Variants in DOT1L observed in about 807,000 individuals in gnomAD.
DOT1L encodes DOT1 like histone lysine methyltransferase, also known as histone-lysine N-methyltransferase, H3 lysine-79 specific.
Under a neutral mutation model 153.3 loss-of-function variants are expected in DOT1L, and 33 were observed. The observed-to-expected ratio is 0.22, with a 90% CI of 0.16 to 0.29. DOT1L has a LOEUF of 0.29. DOT1L is among the 10% of genes least tolerant of loss of function. The pLI, the probability that DOT1L is intolerant of heterozygous loss-of-function variation, is 1.00. For missense variants in DOT1L, 1,847 were observed against 2,119.9 expected, an observed-to-expected ratio of 0.87 and a Z score of 2.53; for synonymous variants, 1,135 against 965.1, an observed-to-expected ratio of 1.18 and a Z score of -3.26.
Position 2,210,898 on chromosome 19 carries a change from G to A in DOT1L, c.1351+43G>A, listed in dbSNP as rs202014691. The stretch of plus-strand genomic sequence containing the variant: ...CACGGCCCCCGCTCTCCCCGAGTGC[G>A]GATGCCTGGGGTCCCCTCTGCTGGG... On this transcript the variant is annotated intron_variant, in intron 14 of 27. Transcript: ENST00000398665. The A allele has an allele frequency of 4.5e-5, 71 of 1,595,376 alleles. No homozygotes were observed. In the African/African-American group the frequency reaches 6.1e-4, roughly 14 times the overall value.
intron 1 of DOT1L, among the ~76,000 whole-genome samples, chr19:2,165,652 G>T (rs1451800950): frequency 6.6e-6 from 1 of 152,254 alleles, no homozygotes. Context: ...TCTCTGTTGG[G>T]CTCTCATCGT....
intron 12 of DOT1L, among the ~76,000 whole-genome samples, chr19:2,209,548 G>T (rs948443099): frequency 6.6e-6 from 1 of 152,144 alleles, no homozygotes; most frequent in African/African-American, 2.4e-5. Flanking sequence ...CCCTGCACGC[G>T]CTGCACCGTC....
chr19:2,220,153 A>G lies in DOT1L; in HGVS notation c.2737A>G (p.Thr913Ala), dbSNP rs367745383. 1.9e-6 allele frequency: 3 copies of G among 1,613,584 alleles called. No homozygotes were observed. In the Admixed American group the frequency reaches 5.0e-5, roughly 27 times the overall value. ...GCTGCAGCCCCGTGACCCCTCGTCC[A>G]CACTTGAAAAGCAGATTGGTGCTAA... ...PVLQPRDPSSTLEKQIGANAH... is the reference protein window; with the variant it reads ...PVLQPRDPSSALEKQIGANAH... Residue 913 changes from threonine to alanine, a missense_variant, in exon 23 of 28, where the codon ACA becomes GCA. Physicochemically the swap from Thr to Ala is moderately conservative, Grantham distance 58 (BLOSUM62 0). Transcript: ENST00000398665. The surrounding 1 kb of genome is among the most constrained non-coding windows in gnomAD (Gnocchi z 4.5).
rs2023405197 is a variant in DOT1L, at chr19:2,204,200, T to C, written c.787+1421T>C. On this transcript the variant is annotated intron_variant, in intron 9 of 27. Transcript: ENST00000398665. The surrounding 1 kb of genome is among the most constrained non-coding windows in gnomAD (Gnocchi z 5.7). ...GTGTCTCTGTGTGCGTGCCTGTGCGTGCCTGTGTCTGCATGTCTGTGCCTG... is the reference window on the plus strand; with the variant it reads ...GTGTCTCTGTGTGCGTGCCTGTGCGCGCCTGTGTCTGCATGTCTGTGCCTG... 6.6e-6 allele frequency among the ~76,000 whole-genome samples: 1 copy of C among 151,908 alleles called. No individual in the cohort carries two copies. The highest frequency in any genetic ancestry group is 2.1e-4 in the South Asian group (1 of 4,808).
At chr19:2,216,928 G>A (rs1246650356) in intron 20 of DOT1L, 27 bp from the exon 21 acceptor site, 39 of 1,595,394 alleles carry the variant, frequency 2.4e-5, no homozygotes, top group African/African-American at 4.0e-5. Context: ...CACGGCCCTC[G>A]AGAGTGACTG....
rs1179033070 is a variant in DOT1L at position 2,217,019 on chromosome 19, C to G, written c.2473C>G (p.Leu825Val). The G allele has an allele frequency of 2.5e-6, 4 of 1,613,120 alleles. No individual in the cohort carries two copies. The highest frequency in any genetic ancestry group is 3.4e-6 in the Non-Finnish European group (4 of 1,179,916). ...QSPSVPGSMK[L>V]SPQDPRPLSP... is the part of the protein sequence containing the mutation. ...CCCCAGCGTGCCTGGCAGCATGAAG[C>G]TGAGCCCTCAGGACCCGCGGCCCCT... Residue 825 changes from leucine (L) to valine (V), a missense_variant, in exon 21 of 28, where the codon CTG becomes GTG. This residue lies in a region of DOT1L where 281 missense variants were observed against 263.6 expected (regional missense o/e 1.07). Coordinates refer to ENST00000398665, the MANE Select transcript of DOT1L (RefSeq NM_032482.3). The surrounding 1 kb of genome is among the most constrained non-coding windows in gnomAD (Gnocchi z 7.3).
intron 8 of DOT1L, among the ~76,000 whole-genome samples, chr19:2,200,712 C>T (rs1049307795): frequency 2.0e-5 from 3 of 151,824 alleles, no homozygotes; most frequent in African/African-American, 7.3e-5. Flanking sequence ...TCCCCACATT[C>T]CTCGTCCTCC....
intron 25 of DOT1L, among the ~76,000 whole-genome samples, chr19:2,224,388 A>C (rs12459507): frequency 0.17 from 25,135 of 151,800 alleles, 3,121 homozygotes; most frequent in African/African-American, 0.34. Flanking sequence ...CACATCCTCA[A>C]CACACTGAAT....
chr19:2,200,678 T>C (rs2023219035), intron 8 of DOT1L, among the ~76,000 whole-genome samples: 1 of 151,992 alleles, frequency 6.6e-6, no homozygotes, highest in Non-Finnish European at 1.5e-5. Flanking sequence ...CCAGCACTCT[T>C]TGTCCTCTCT....
intron 5 of DOT1L, among the ~76,000 whole-genome samples, chr19:2,192,766 C>T (rs768340534): frequency 6.6e-6 from 1 of 151,938 alleles, no homozygotes; most frequent in Non-Finnish European, 1.5e-5. Flanking sequence ...GTGGGAGGAT[C>T]GCTTGAGCCC....
intron 27 of DOT1L, chr19:2,228,823 G>A (rs776452870): frequency 5.1e-4 from 506 of 985,434 alleles, no homozygotes; most frequent in Non-Finnish European, 5.8e-4. Context: ...GCACGGTGCC[G>A]GCTGCAGAGG....
chr19:2,199,947 C>T lies in DOT1L; in HGVS notation c.707+8C>T. 3 of 1,613,716 alleles carry T rather than the reference C, an allele frequency of 1.9e-6. No homozygotes were observed. The highest frequency in any genetic ancestry group is 1.1e-5 in the South Asian group (1 of 91,058). ...GCGAATCGCCAACACGAGGTATGGC[C>T]AGCGTGGGGCATGCAGGGCATGTGG... On this transcript the variant is annotated splice_region_variant and intron_variant, in intron 8 of 27. Transcript: ENST00000398665.
Position 2,168,495 on chromosome 19 carries a change from C to A in DOT1L, c.81+4230C>A, listed in dbSNP as rs1329842105. On this transcript the variant is annotated intron_variant, in intron 1 of 27. Coordinates refer to ENST00000398665, the MANE Select transcript of DOT1L (RefSeq NM_032482.3). The stretch of plus-strand genomic sequence containing the variant: ...AGAAATAGCCACAACTGTCCACGCT[C>A]GGAAATGAGCAGTTCGGAAGGGGTT... Among the ~76,000 whole-genome samples, 4 of 152,238 alleles carry A rather than the reference C, an allele frequency of 2.6e-5. No homozygotes were observed. The East Asian group carries it at 7.7e-4, about 29-fold the overall frequency.
intron 15 of DOT1L, among the ~76,000 whole-genome samples, chr19:2,211,528 T>C (rs912169959): frequency 6.6e-6 from 1 of 152,224 alleles, no homozygotes; most frequent in Non-Finnish European, 1.5e-5. Flanking sequence ...GTGCCCAGGA[T>C]GGCCCCACGC....
At chr19:2,214,278 G>A in intron 18 of DOT1L, 193 bp from the exon 19 acceptor site, 2 of 951,104 alleles carry the variant, frequency 2.1e-6, no homozygotes, top group Non-Finnish European at 3.0e-6. Context: ...TGCTGGAGCT[G>A]CCTCATCTGT....
At position 2,184,659 on chromosome 19, in the gene DOT1L, G is replaced by T. The variant is rs577297029; in HGVS notation, c.126-1196G>T. ...GACTGGTCCCGTGCCCTTTCCAAGC[G>T]GAAGGCGTGTCCTTCCATTTCTGGC... On this transcript the variant is annotated intron_variant, in intron 2 of 27. Coordinates refer to ENST00000398665, the MANE Select transcript of DOT1L (RefSeq NM_032482.3). Among the ~76,000 whole-genome samples, 58 of 152,276 alleles carry T rather than the reference G, an allele frequency of 3.8e-4. 1 individual carries two copies. The South Asian group carries it at 0.012, about 32-fold the overall frequency.
Position 2,231,842 on chromosome 19 carries a change from T to G in DOT1L, c.*2050T>G. On this transcript the variant is annotated 3_prime_UTR_variant, in exon 28 of 28. Transcript: ENST00000398665. Reference sequence around the variant, plus strand: ...CCATCACGGGTCCTGCAGATGGCCATGCAGGGCTCCTGCCCACGCAGGCCA... The same window carrying G: ...CCATCACGGGTCCTGCAGATGGCCAGGCAGGGCTCCTGCCCACGCAGGCCA... The G allele has an allele frequency of 4.6e-6, 1 of 219,746 alleles. No homozygotes were observed. The highest frequency in any genetic ancestry group is 2.2e-5 in the African/African-American group (1 of 44,648). 13.6% of individuals were successfully genotyped at this position (219,746 alleles called of 1,614,324 possible).
chr19:2,207,706 G>A lies in DOT1L; in HGVS notation c.963+26G>A, dbSNP rs755721046. 34 of 1,587,952 alleles carry A rather than the reference G, an allele frequency of 2.1e-5. No individual in the cohort carries two copies. Among genetic ancestry groups the A allele is most frequent in the Non-Finnish European group, 2.5e-5 (29 of 1,165,686 alleles). On this transcript the variant is annotated intron_variant, in intron 11 of 27. Coordinates refer to ENST00000398665, the MANE Select transcript of DOT1L (RefSeq NM_032482.3). This position sits in a 1 kb window ranked among gnomAD's most constrained non-coding sequence, Gnocchi z 4.5. ...GTGAGTATCTCGCTGCGCCTCAGCC[G>A]CAGGGCCGTCCTGGTCTTCCACCCC...
chr19:2,206,913 G>T (rs770463736), intron 10 of DOT1L, 116 bp downstream of exon 10: 1 of 1,079,412 alleles, frequency 9.3e-7, no homozygotes, highest in Non-Finnish European at 1.4e-6. Flanking sequence ...ATCCTTCTGT[G>T]GGGTGGGGCT....
Sources: gnomAD v4.1 joint callset for allele counts (sites outside exome capture counted in the v4.1 genomes callset) on GRCh38, gnomAD v4.1.1 for gene constraint, gnomAD v4.1.1 regional missense constraint, Gnocchi (gnomAD v3.1) non-coding constraint, MANE v1.5 for transcripts, NCBI Gene and HGNC (gene_info 2026-07-23, HGNC 2026-07-21) for gene names.